Variants in MPPED2 observed in about 807,000 individuals in gnomAD.
MPPED2 encodes the protein metallophosphoesterase domain containing 2, also known as metallophosphoesterase MPPED2.
Under a neutral mutation model 33.0 loss-of-function variants are expected in MPPED2, and 5 were observed. The observed-to-expected ratio is 0.15, with a 90% confidence interval of 0.08 to 0.32. The LOEUF is 0.32. Among genes scored for constraint, MPPED2 ranks in the 10% least tolerant of loss-of-function variants. The pLI is 1.00. For synonymous variants in MPPED2, 136 were observed against 141.9 expected, an observed-to-expected ratio of 0.96 and a Z score of 0.29; for missense variants, 275 against 372.1, an observed-to-expected ratio of 0.74 and a Z score of 2.15.
At chr11:30,413,515 G>C (rs1039596134) in intron 6 of MPPED2, among the ~76,000 whole-genome samples, 3 of 152,312 alleles carry the variant, frequency 2.0e-5, no homozygotes, top group South Asian at 2.1e-4. Context: ...ATTCCTGTTA[G>C]GCTTTCGGTT....
chr11:30,466,912 C>T (rs894966911), intron 4 of MPPED2, among the ~76,000 whole-genome samples: 1 of 152,188 alleles, frequency 6.6e-6, no homozygotes, highest in Non-Finnish European at 1.5e-5. Flanking sequence ...TATTTGAACA[C>T]ACTTCTGAGC....
intron 6 of MPPED2, among the ~76,000 whole-genome samples, chr11:30,396,813 T>C (rs1255969007): frequency 6.6e-6 from 1 of 152,192 alleles, no homozygotes; most frequent in African/African-American, 2.4e-5. Flanking sequence ...CCATTTCTTG[T>C]CCCAATCCTG....
intron 5 of MPPED2, among the ~76,000 whole-genome samples, chr11:30,415,421 C>T (rs536206264): frequency 6.6e-6 from 1 of 152,278 alleles, no homozygotes; most frequent in African/African-American, 2.4e-5. Context: ...GGAAAATATT[C>T]CATTTCATAT....
chr11:30,561,127 T>C (rs947407949), intron 2 of MPPED2, among the ~76,000 whole-genome samples: 1 of 152,216 alleles, frequency 6.6e-6, no homozygotes, highest in Non-Finnish European at 1.5e-5. Flanking sequence ...TAAACCTTCA[T>C]GTGGGTGTGC....
intron 2 of MPPED2, among the ~76,000 whole-genome samples, chr11:30,545,409 T>G (rs986907781): frequency 6.6e-6 from 1 of 152,158 alleles, no homozygotes; most frequent in African/African-American, 2.4e-5. Flanking sequence ...AAATGTCTAC[T>G]GTAAGGGAGA....
At chr11:30,480,513 T>C (rs1012148272) in intron 4 of MPPED2, among the ~76,000 whole-genome samples, 7 of 152,108 alleles carry the variant, frequency 4.6e-5, no homozygotes, top group African/African-American at 1.7e-4. Context: ...TAATACACTC[T>C]TGTTAACTAA....
At position 30,411,324 on chromosome 11, in the gene MPPED2, C is replaced by T. The variant is rs1002436579; in HGVS notation, c.*144G>A. The T allele has an allele frequency of 7.0e-6, 9 of 1,291,344 alleles. No homozygotes were observed. Among genetic ancestry groups the T allele is most frequent in the Non-Finnish European group, 7.9e-6 (8 of 1,009,490 alleles). The allele number at this position is 1,291,344 out of a possible 1,614,324, so 80.0% of individuals were successfully genotyped here. ...ATTTAAAATAAAATAAAATAAGAAGCACAACCTCTAGCATCATTTGTGTTC... is the reference window on the plus strand; with the variant it reads ...ATTTAAAATAAAATAAAATAAGAAGTACAACCTCTAGCATCATTTGTGTTC... On this transcript the variant is annotated 3_prime_UTR_variant, in exon 7 of 7. Transcript: ENST00000358117.
rs1482818925 is a variant in MPPED2 at position 30,543,151 on chromosome 11, C to CAAT, written c.129-6979_129-6977dup. On this transcript the variant is annotated intron_variant, in intron 2 of 6. Coordinates refer to ENST00000358117, the MANE Select transcript of MPPED2 (RefSeq NM_001584.3). ...AAAAATGCATATTACAGGGAGTGAACAATACAGAAGTTTGTTTTTTAAAAT... is the reference window on the plus strand; with the variant it reads ...AAAAATGCATATTACAGGGAGTGAACAATAATACAGAAGTTTGTTTTTTAAAAT... Among the ~76,000 whole-genome samples, 5 of 152,184 alleles carry CAAT rather than the reference C, an allele frequency of 3.3e-5. No homozygotes were observed. The East Asian group carries it at 9.7e-4, about 29-fold the overall frequency.
chr11:30,461,908 G>A (rs1453065122), intron 4 of MPPED2, among the ~76,000 whole-genome samples: 1 of 152,182 alleles, frequency 6.6e-6, no homozygotes, highest in East Asian at 1.9e-4. Context: ...AGATTATCCT[G>A]TGTAAACATT....
intron 2 of MPPED2, among the ~76,000 whole-genome samples, chr11:30,577,818 C>T (rs1219265613): frequency 6.6e-6 from 1 of 152,166 alleles, no homozygotes; most frequent in African/African-American, 2.4e-5. Context: ...CAAGAACTGA[C>T]AGAAAAATTC....
intron 3 of MPPED2, among the ~76,000 whole-genome samples, chr11:30,528,521 T>A (rs777954023): frequency 4.6e-5 from 7 of 152,180 alleles, no homozygotes; most frequent in Non-Finnish European, 1.0e-4. Context: ...GCTCCCAAAG[T>A]GCTGGGATTA....
chr11:30,559,268 T>C (rs1324856155), intron 2 of MPPED2, among the ~76,000 whole-genome samples: 1 of 152,216 alleles, frequency 6.6e-6, no homozygotes, highest in Non-Finnish European at 1.5e-5. Context: ...TGTTCACAAT[T>C]ATCTTCTTTG....
intron 3 of MPPED2, among the ~76,000 whole-genome samples, chr11:30,531,474 A>T (rs1283428304): frequency 2.0e-5 from 3 of 152,190 alleles, no homozygotes; most frequent in Non-Finnish European, 2.9e-5. Context: ...TTTGGGAGGA[A>T]AGGGGCCAAT....
At chr11:30,503,202 A>G (rs1009631274) in intron 3 of MPPED2, among the ~76,000 whole-genome samples, 39 of 152,170 alleles carry the variant, frequency 2.6e-4, no homozygotes, top group African/African-American at 7.2e-4. Context: ...TTTGCTCAGC[A>G]CTTCTGCTTG....
At chr11:30,411,738 C>T in intron 6 of MPPED2, 152 bp from the exon 7 acceptor site, 1 of 462,644 alleles carries the variant, frequency 2.2e-6, no homozygotes, top group Non-Finnish European at 3.7e-6. Context: ...CTTTCAGAAG[C>T]TACTGCCCAA....
At chr11:30,464,603 G>A (rs1255298883) in intron 4 of MPPED2, among the ~76,000 whole-genome samples, 2 of 152,136 alleles carry the variant, frequency 1.3e-5, no homozygotes, top group Non-Finnish European at 2.9e-5. Context: ...CATTTCATGT[G>A]TCTGTTTTGT....
At chr11:30,404,262 GT>G (rs1352301475) in intron 6 of MPPED2, among the ~76,000 whole-genome samples, 5 of 152,210 alleles carry the variant, frequency 3.3e-5, no homozygotes, top group African/African-American at 1.2e-4. Flanking sequence ...CCACATAAGA[GT>G]AATGGTGGCC....
intron 2 of MPPED2, among the ~76,000 whole-genome samples, chr11:30,573,820 T>C (rs1956807389): frequency 6.6e-6 from 1 of 152,092 alleles, no homozygotes; most frequent in African/African-American, 2.4e-5. Flanking sequence ...TTCATTCCCT[T>C]CCCACCATGT....
At chr11:30,414,401 G>A in intron 5 of MPPED2, 60 bp from the exon 6 acceptor site, 1 of 1,080,562 alleles carries the variant, frequency 9.3e-7, no homozygotes, top group Non-Finnish European at 1.4e-6. Flanking sequence ...GTTTCATTTA[G>A]ACTTTCAGGA....
Sources: gnomAD v4.1 joint callset for allele counts (sites outside exome capture counted in the v4.1 genomes callset) on GRCh38, gnomAD v4.1.1 for gene constraint, MANE v1.5 for transcripts, NCBI Gene and HGNC (gene_info 2026-07-23, HGNC 2026-07-21) for gene names.